The following USP25 variants were observed in gnomAD, a reference collection of about 807,000 sequenced individuals.
The protein encoded by USP25 is ubiquitin specific peptidase 25.
USP25 carries 85 observed loss-of-function variants against 158.5 expected under a neutral mutation model. That is an observed-to-expected ratio of 0.54 (90% CI 0.45 to 0.64). USP25 has a LOEUF of 0.64. Ranked by LOEUF, USP25 falls within the 30% of genes least tolerant of loss-of-function variation. The pLI, the probability that USP25 is intolerant of heterozygous loss-of-function variation, is 0.00. For synonymous variants in USP25, 464 were observed against 460.4 expected (o/e 1.01, Z -0.10); for missense variants, 1,242 against 1,327.3 (o/e 0.94, Z 1.00).
chr21:15,873,578 C>G (rs955566898), intron 23 of USP25, among the ~76,000 whole-genome samples: 1 of 151,706 alleles, frequency 6.6e-6, no homozygotes. Flanking sequence ...CTCAGCTCAC[C>G]TCACCCTCCA....
In USP25 at chr21:15,826,054, A is replaced by G. The variant is rs1052504188; in HGVS notation, c.1305-150A>G. On this transcript the variant is annotated intron_variant, in intron 12 of 25. Transcript: ENST00000400183. The surrounding 1 kb of genome is among the most constrained non-coding windows in gnomAD (Gnocchi z 4.8). ...CTTTTAATGTTTTTCTTAAGTGTAT[A>G]TTCAGTTTTACCATCTTCGTTTTAA... is the stretch of plus-strand genomic sequence containing the variant. The G allele has an allele frequency of 2.2e-5, 20 of 896,108 alleles. No homozygotes were observed. The highest frequency in any genetic ancestry group is 3.3e-5 in the Non-Finnish European group (20 of 611,000). The allele number at this position is 896,108 out of a possible 1,614,324, so 55.5% of individuals were successfully genotyped here.
chr21:15,810,309 C>A (rs768812931), intron 8 of USP25, among the ~76,000 whole-genome samples: 20 of 152,146 alleles, frequency 1.3e-4, no homozygotes, highest in South Asian at 2.1e-4. Context: ...ACCCATTTAT[C>A]AAGAGAGATG....
intron 4 of USP25, among the ~76,000 whole-genome samples, chr21:15,781,956 G>A (rs1414047052): frequency 1.3e-5 from 2 of 152,174 alleles, no homozygotes; most frequent in Non-Finnish European, 2.9e-5. Flanking sequence ...CACATCTGGA[G>A]TGCTTCCTGA....
intron 3 of USP25, among the ~76,000 whole-genome samples, chr21:15,773,984 G>A (rs2034502155): frequency 6.6e-6 from 1 of 152,172 alleles, no homozygotes; most frequent in South Asian, 2.1e-4. Flanking sequence ...TTTGGTTGAA[G>A]TTTGTGAAGA....
intron 3 of USP25, among the ~76,000 whole-genome samples, chr21:15,767,736 G>A (rs2034124445): frequency 6.6e-6 from 1 of 152,022 alleles, no homozygotes; most frequent in Non-Finnish European, 1.5e-5. Context: ...AGTGAAGCAA[G>A]CAGGAAATTG....
rs116511943 is a variant in USP25 at position 15,832,068 on chromosome 21, G to A, written c.1993+439G>A. 5.6e-3 allele frequency among the ~76,000 whole-genome samples: 854 copies of A among 152,180 alleles called. 10 individuals are homozygous for A. Among genetic ancestry groups the A allele is most frequent in the African/African-American group, 0.019 (797 of 41,516 alleles). On this transcript the variant is annotated intron_variant, in intron 16 of 25. Coordinates refer to ENST00000400183, the MANE Select transcript of USP25 (RefSeq NM_001283041.3). ...TTCACACATTTATGTTTGCATGTTCGTATATGTTTTATTTTTTGCTAGTAA... is the reference window on the plus strand; with the variant it reads ...TTCACACATTTATGTTTGCATGTTCATATATGTTTTATTTTTTGCTAGTAA...
intron 4 of USP25, among the ~76,000 whole-genome samples, chr21:15,787,911 C>G (rs1568805162): frequency 6.9e-6 from 1 of 145,938 alleles, no homozygotes; most frequent in Non-Finnish European, 1.5e-5. Flanking sequence ...CACCCCCCCC[C>G]CAAGTAAAAC....
At chr21:15,806,857 G>A (rs1311288530) in intron 7 of USP25, among the ~76,000 whole-genome samples, 1 of 151,926 alleles carries the variant, frequency 6.6e-6, no homozygotes. Flanking sequence ...ATCATCTTTT[G>A]AAGTACACAG....
At chr21:15,757,863 A>G (rs1356673525) in intron 1 of USP25, among the ~76,000 whole-genome samples, 2 of 152,244 alleles carry the variant, frequency 1.3e-5, no homozygotes, top group East Asian at 1.9e-4. Context: ...TTGGGAGGCT[A>G]GCATAGGCAG....
At chr21:15,814,338 G>T (rs1223288233) in intron 9 of USP25, among the ~76,000 whole-genome samples, 3 of 151,718 alleles carry the variant, frequency 2.0e-5, no homozygotes, top group African/African-American at 7.3e-5. Flanking sequence ...GACTAATACA[G>T]TAAATTGGGT....
chr21:15,827,833 G>A (rs1467915980), intron 14 of USP25, among the ~76,000 whole-genome samples: 2 of 149,986 alleles, frequency 1.3e-5, no homozygotes, highest in Non-Finnish European at 3.0e-5. Flanking sequence ...TTTCTTGGAA[G>A]GAACTCTCTT....
intron 9 of USP25, among the ~76,000 whole-genome samples, chr21:15,814,820 G>A (rs2146310419): frequency 6.6e-6 from 1 of 152,322 alleles, no homozygotes; most frequent in African/African-American, 2.4e-5. Flanking sequence ...TGATCCAGTA[G>A]AGCAGAAAAC....
chr21:15,859,180 T>C (rs901688533), intron 20 of USP25, among the ~76,000 whole-genome samples: 2 of 148,738 alleles, frequency 1.3e-5, no homozygotes, highest in Non-Finnish European at 3.0e-5. Context: ...TAAGGAGGCT[T>C]TCTCTTGTTT....
At chr21:15,839,988 TC>T (rs1178958443) in intron 17 of USP25, among the ~76,000 whole-genome samples, 1 of 152,154 alleles carries the variant, frequency 6.6e-6, no homozygotes, top group African/African-American at 2.4e-5. Context: ...TATTGTCTTT[TC>T]CCTCTTAATT....
At chr21:15,852,828 G>A (rs1385684327) in intron 20 of USP25, among the ~76,000 whole-genome samples, 4 of 151,990 alleles carry the variant, frequency 2.6e-5, no homozygotes, top group African/African-American at 9.7e-5. Context: ...GTGTACATTT[G>A]CACCTATCTG....
intron 1 of USP25, among the ~76,000 whole-genome samples, chr21:15,734,895 C>T (rs960740249): frequency 6.6e-6 from 1 of 152,030 alleles, no homozygotes; most frequent in Admixed American, 6.5e-5. Flanking sequence ...CTATATAATC[C>T]GTGTAAGGCG....
At chr21:15,849,685 A>G in intron 19 of USP25, 92 bp from the exon 20 acceptor site, 1 of 982,640 alleles carries the variant, frequency 1.0e-6, no homozygotes, top group Non-Finnish European at 1.5e-6. Flanking sequence ...TTTGATTTAT[A>G]AATATGGAAA....
Position 15,875,828 on chromosome 21 carries a change from G to A in USP25, c.3009+1302G>A, listed in dbSNP as rs1049363260. Among the ~76,000 whole-genome samples, 3 of 152,194 alleles carry A rather than the reference G, an allele frequency of 2.0e-5. No individual in the cohort carries two copies. Among genetic ancestry groups the A allele is most frequent in the Non-Finnish European group, 4.4e-5 (3 of 68,042 alleles). ...ACTTAGATGACATTCAAATGAGTTT[G>A]CACCAGTGTAAGTTTGATTAGGTTT... On this transcript the variant is annotated intron_variant, in intron 24 of 25. Transcript: ENST00000400183. The surrounding 1 kb of genome is among the most constrained non-coding windows in gnomAD (Gnocchi z 4.7).
rs1016146005 is a variant in USP25 at position 15,778,284 on chromosome 21, T to G, written c.392+257T>G. Among the ~76,000 whole-genome samples, 4 of 152,106 alleles carry G rather than the reference T, an allele frequency of 2.6e-5. 1 individual carries two copies. Among genetic ancestry groups the G allele is most frequent in the Admixed American group, 6.5e-5 (1 of 15,278 alleles). ...TGCATATTTTAATATTTCTTTCATT[T>G]TTTTTCTTCCCCTAATCTTTTTTGG... is the stretch of plus-strand genomic sequence containing the variant. On this transcript the variant is annotated intron_variant, in intron 4 of 25. Coordinates refer to ENST00000400183, the MANE Select transcript of USP25 (RefSeq NM_001283041.3).
Sources: gnomAD v4.1 joint callset for allele counts (sites outside exome capture counted in the v4.1 genomes callset) on GRCh38, gnomAD v4.1.1 for gene constraint, Gnocchi (gnomAD v3.1) non-coding constraint, MANE v1.5 for transcripts, NCBI Gene and HGNC (gene_info 2026-07-23, HGNC 2026-07-21) for gene names.